SLC8A1: variants seen among roughly 807,000 people sequenced by gnomAD.
The protein encoded by SLC8A1 is solute carrier family 8 member A1, also known as sodium/calcium exchanger 1.
Under a neutral mutation model 68.3 loss-of-function variants are expected in SLC8A1, and 18 were observed. The ratio of observed to expected loss-of-function variants is 0.26; its 90% CI spans 0.18 to 0.39. SLC8A1 has a LOEUF of 0.39. Among genes scored for constraint, SLC8A1 ranks in the 10% least tolerant of loss-of-function variants. The probability of loss-of-function intolerance (pLI) is 1.00; values close to 1 mark genes in which losing one functional copy is unlikely to be tolerated. For synonymous variants in SLC8A1, 475 were observed against 415.5 expected, an observed-to-expected ratio of 1.14 and a Z score of -1.74; for missense variants, 985 against 1,156.7, an observed-to-expected ratio of 0.85 and a Z score of 2.15.
intron 2 of SLC8A1, among the ~76,000 whole-genome samples, chr2:40,255,817 C>T (rs555492475): frequency 6.6e-6 from 1 of 152,282 alleles, no homozygotes; most frequent in Admixed American, 6.5e-5. Context: ...AAATGATATA[C>T]TTGTCACATC....
chr2:40,445,269 C>T (rs764336152), intron 1 of SLC8A1, among the ~76,000 whole-genome samples: 1 of 152,164 alleles, frequency 6.6e-6, no homozygotes, highest in Non-Finnish European at 1.5e-5. Flanking sequence ...AATATGTCTG[C>T]TGACCTCAGA....
intron 2 of SLC8A1, among the ~76,000 whole-genome samples, chr2:40,223,066 C>T (rs183099929): frequency 1.3e-5 from 2 of 152,246 alleles, no homozygotes; most frequent in East Asian, 1.9e-4. Context: ...GACACATGTA[C>T]ATGTATGTTT....
intron 1 of SLC8A1, among the ~76,000 whole-genome samples, chr2:40,497,306 T>C (rs888549609): frequency 2.0e-5 from 3 of 152,052 alleles, no homozygotes; most frequent in African/African-American, 7.2e-5. Flanking sequence ...TCAATAAAGA[T>C]TTATCAAGCA....
At chr2:40,277,637 C>T (rs1022516612) in intron 2 of SLC8A1, among the ~76,000 whole-genome samples, 3 of 151,664 alleles carry the variant, frequency 2.0e-5, no homozygotes, top group Non-Finnish European at 4.4e-5. Flanking sequence ...ACTGCAAAGA[C>T]CTTAGCCCAG....
In SLC8A1 at chr2:40,155,560, G is replaced by C. The variant is rs529667316; in HGVS notation, c.2161+5205C>G. Among the ~76,000 whole-genome samples, 81 of 152,296 alleles carry C rather than the reference G, an allele frequency of 5.3e-4. No homozygotes were observed. In the South Asian group the frequency reaches 0.016, roughly 31 times the overall value. On this transcript the variant is annotated intron_variant, in intron 6 of 7. Transcript: ENST00000406785. ...GAGATGCTGAAAAGTCTCCTGCTTAGACCAGATTTCACGGCAATCCCTTGA... is the reference window on the plus strand; with the variant it reads ...GAGATGCTGAAAAGTCTCCTGCTTACACCAGATTTCACGGCAATCCCTTGA...
chr2:40,125,743 T>A (rs889839330), intron 7 of SLC8A1, among the ~76,000 whole-genome samples: 1 of 151,812 alleles, frequency 6.6e-6, no homozygotes, highest in African/African-American at 2.4e-5. Flanking sequence ...ACGTAACTTA[T>A]AATGAAAAAA....
intron 2 of SLC8A1, among the ~76,000 whole-genome samples, chr2:40,283,576 C>T (rs536519021): frequency 1.3e-5 from 2 of 152,140 alleles, no homozygotes; most frequent in African/African-American, 2.4e-5. Context: ...TCCAAAATTA[C>T]GAAAGAAAAC....
rs543209774 is a variant in SLC8A1 at position 40,330,598 on chromosome 2, C to T, written c.1808+97875G>A. Reference sequence around the variant, plus strand: ...TTCCAAGCAGGGACACACACACACCCATCAATAAATTACTATTATAAAGAG... The same window carrying T: ...TTCCAAGCAGGGACACACACACACCTATCAATAAATTACTATTATAAAGAG... On this transcript the variant is annotated intron_variant, in intron 2 of 7. Transcript: ENST00000406785. 2.0e-5 allele frequency among the ~76,000 whole-genome samples: 3 copies of T among 152,208 alleles called. No individual in the cohort carries two copies. The South Asian group carries it at 6.2e-4, about 32-fold the overall frequency.
chr2:40,478,324 T>C (rs956353776), intron 1 of SLC8A1, among the ~76,000 whole-genome samples: 11 of 152,200 alleles, frequency 7.2e-5, no homozygotes, highest in African/African-American at 1.9e-4. Context: ...ACAACTGTTA[T>C]TTGAGCCTTA....
intron 2 of SLC8A1, among the ~76,000 whole-genome samples, chr2:40,269,047 A>C (rs1238097066): frequency 2.0e-5 from 3 of 152,194 alleles, no homozygotes; most frequent in Non-Finnish European, 4.4e-5. Flanking sequence ...TATGAAAACC[A>C]CGAAGATGAT....
At chr2:40,335,410 T>C (rs1164733030) in intron 2 of SLC8A1, among the ~76,000 whole-genome samples, 1 of 152,226 alleles carries the variant, frequency 6.6e-6, no homozygotes, top group East Asian at 1.9e-4. Context: ...ACACTCCCTG[T>C]AATTAAGCAA....
chr2:40,215,464 C>T (rs1180749884), intron 2 of SLC8A1, among the ~76,000 whole-genome samples: 2 of 151,608 alleles, frequency 1.3e-5, no homozygotes, highest in Admixed American at 6.6e-5. Flanking sequence ...GGTGAAACCC[C>T]GTCTCTACTA....
chr2:40,296,338 C>A (rs1272540391), intron 2 of SLC8A1, among the ~76,000 whole-genome samples: 1 of 152,086 alleles, frequency 6.6e-6, no homozygotes, highest in Non-Finnish European at 1.5e-5. Context: ...CTTGAAGGTG[C>A]TACAGACCAA....
intron 2 of SLC8A1, among the ~76,000 whole-genome samples, chr2:40,315,268 T>A (rs965190799): frequency 3.3e-5 from 5 of 151,946 alleles, no homozygotes; most frequent in African/African-American, 1.2e-4. Flanking sequence ...TTCCCTTTTC[T>A]AGTTCGTCAG....
At chr2:40,228,123 T>C (rs1343176984) in intron 2 of SLC8A1, among the ~76,000 whole-genome samples, 2 of 152,182 alleles carry the variant, frequency 1.3e-5, no homozygotes, top group Non-Finnish European at 2.9e-5. Flanking sequence ...AGTGCAAGTG[T>C]TGACAAATTC....
At chr2:40,250,583 G>A (rs1365075922) in intron 2 of SLC8A1, 2 of 152,168 alleles carry the variant, frequency 1.3e-5, no homozygotes, top group African/African-American at 4.8e-5. Context: ...TCTCTGAAGA[G>A]TGACTCTTCG....
intron 2 of SLC8A1, among the ~76,000 whole-genome samples, chr2:40,328,889 C>T (rs2076121876): frequency 6.6e-6 from 1 of 152,120 alleles, no homozygotes; most frequent in African/African-American, 2.4e-5. Context: ...ACACCATTAC[C>T]AGTTGCCTTT....
intron 2 of SLC8A1, among the ~76,000 whole-genome samples, chr2:40,180,442 A>C (rs1027810967): frequency 4.6e-5 from 7 of 152,232 alleles, no homozygotes; most frequent in Non-Finnish European, 8.8e-5. Flanking sequence ...TGTCAACAAA[A>C]CTTACGCATT....
chr2:40,306,290 T>C (rs879891456), intron 2 of SLC8A1, among the ~76,000 whole-genome samples: 2 of 152,208 alleles, frequency 1.3e-5, no homozygotes, highest in South Asian at 2.1e-4. Flanking sequence ...AATGTCAGCA[T>C]TGGACTTACA....
Sources: gnomAD v4.1 joint callset for allele counts (sites outside exome capture counted in the v4.1 genomes callset) on GRCh38, gnomAD v4.1.1 for gene constraint, MANE v1.5 for transcripts, NCBI Gene and HGNC (gene_info 2026-07-23, HGNC 2026-07-21) for gene names.